The following SPDYA variants were observed in gnomAD, a reference collection of about 807,000 sequenced individuals.
The protein encoded by SPDYA is speedy/RINGO cell cycle regulator family member A, also known as speedy protein A.
SPDYA carries 11 observed loss-of-function variants against 36.7 expected under a neutral mutation model. The observed-to-expected ratio is 0.30, with a 90% CI of 0.19 to 0.50. SPDYA has a LOEUF of 0.50. SPDYA is among the 20% of genes least tolerant of loss of function. The pLI, the probability that SPDYA is intolerant of heterozygous loss-of-function variation, is 0.98. For missense variants in SPDYA, 287 were observed against 370.9 expected, an observed-to-expected ratio of 0.77 and a Z score of 1.86; for synonymous variants, 115 against 118.7, an observed-to-expected ratio of 0.97 and a Z score of 0.20.
intron 6 of SPDYA, among the ~76,000 whole-genome samples, chr2:28,839,171 A>G (rs79915432): frequency 7.6e-4 from 116 of 152,342 alleles, no homozygotes; most frequent in Middle Eastern, 3.4e-3. Context: ...TGAGTCCCAG[A>G]AAAGTTAAAT....
intron 7 of SPDYA, among the ~76,000 whole-genome samples, chr2:28,845,887 A>G (rs1668861442): frequency 1.3e-5 from 2 of 152,150 alleles, no homozygotes; most frequent in African/African-American, 4.8e-5. Context: ...TATATGTATT[A>G]CTATGAAAGC....
chr2:28,816,460 T>C (rs1398180736), intron 3 of SPDYA, among the ~76,000 whole-genome samples: 1 of 152,204 alleles, frequency 6.6e-6, no homozygotes, highest in Non-Finnish European at 1.5e-5. Flanking sequence ...TAAAAATTCA[T>C]ACTCATCTAG....
chr2:28,839,669 T>A (rs973870683), intron 6 of SPDYA, among the ~76,000 whole-genome samples: 1 of 151,984 alleles, frequency 6.6e-6, no homozygotes, highest in Non-Finnish European at 1.5e-5. Flanking sequence ...GCCCGGCTAA[T>A]TTTTTTGTAT....
intron 7 of SPDYA, among the ~76,000 whole-genome samples, chr2:28,849,168 TA>T (rs1348262480): frequency 1.3e-5 from 2 of 152,188 alleles, no homozygotes; most frequent in African/African-American, 4.8e-5. Context: ...AAGTTGTCCA[TA>T]GTAAGTGAAA....
intron 4 of SPDYA, among the ~76,000 whole-genome samples, 179 bp from the exon 5 acceptor site, chr2:28,822,146 C>T (rs1461683805): frequency 6.6e-6 from 1 of 152,134 alleles, no homozygotes; most frequent in Non-Finnish European, 1.5e-5. Context: ...TCAAGAATTA[C>T]TTTTCACTGT....
intron 5 of SPDYA, among the ~76,000 whole-genome samples, chr2:28,828,321 C>A (rs1668384777): frequency 6.6e-6 from 1 of 152,046 alleles, no homozygotes; most frequent in South Asian, 2.1e-4. Context: ...TTTCTTTTTT[C>A]TCTGTGTATT....
chr2:28,815,926 T>C (rs117181935), intron 2 of SPDYA, 71 bp from the exon 3 acceptor site: 1 of 959,972 alleles, frequency 1.0e-6, no homozygotes, highest in Non-Finnish European at 1.6e-6. Flanking sequence ...CATATGGTAG[T>C]ATCATCCAGT....
At chr2:28,824,479 A>G (rs1377598676) in intron 5 of SPDYA, among the ~76,000 whole-genome samples, 1 of 12,076 alleles carries the variant, frequency 8.3e-5, no homozygotes, top group Non-Finnish European at 2.9e-4. Context: ...CTGTCAGGAG[A>G]AAAAAAAAAA....
intron 7 of SPDYA, among the ~76,000 whole-genome samples, chr2:28,847,620 C>T (rs970300703): frequency 6.6e-6 from 1 of 150,758 alleles, no homozygotes; most frequent in Non-Finnish European, 1.5e-5. Flanking sequence ...ATGGCACATA[C>T]CTGTAATCAC....
intron 6 of SPDYA, 36 bp from the exon 7 acceptor site, chr2:28,840,136 A>T (rs200079137): frequency 6.4e-7 from 1 of 1,564,682 alleles, no homozygotes; most frequent in Non-Finnish European, 8.7e-7. Flanking sequence ...ATTTTGAAAT[A>T]TTACTAAAAT....
rs372023314 is a variant in SPDYA, at chr2:28,816,269, A to G, written c.235+20A>G. ...TATTTGGTAGGTTTAAAATATTGTA[A>G]TAGTGGTAATTATAAAGTACTAAAA... On this transcript the variant is annotated intron_variant, in intron 3 of 7. Coordinates refer to ENST00000334056, the MANE Select transcript of SPDYA (RefSeq NM_182756.4). 7 of 1,516,726 alleles carry G rather than the reference A, an allele frequency of 4.6e-6. No individual in the cohort carries two copies. In the African/African-American group the frequency reaches 9.8e-5, roughly 21 times the overall value. The allele number at this position is 1,516,726 out of a possible 1,614,324, so 94.0% of individuals were successfully genotyped here. A position where few individuals can be genotyped will look rare whatever the true frequency, so the allele number is the denominator to read the frequency against.
At chr2:28,818,465 A>G (rs1186983106) in intron 3 of SPDYA, among the ~76,000 whole-genome samples, 1 of 148,484 alleles carries the variant, frequency 6.7e-6, no homozygotes, top group East Asian at 2.0e-4. Flanking sequence ...AAAAAAAGAG[A>G]AAGAGAGAAA....
chr2:28,848,196 A>C (rs1180482136), intron 7 of SPDYA, among the ~76,000 whole-genome samples: 1 of 152,160 alleles, frequency 6.6e-6, no homozygotes, highest in African/African-American at 2.4e-5. Flanking sequence ...CCACCAGAAT[A>C]CTCTGCTCCT....
chr2:28,827,481 T>A, intron 5 of SPDYA, among the ~76,000 whole-genome samples: 1 of 152,336 alleles, frequency 6.6e-6, no homozygotes, highest in African/African-American at 2.4e-5. Flanking sequence ...ACTTTCAGAT[T>A]TCAGGGTCTG....
intron 6 of SPDYA, among the ~76,000 whole-genome samples, chr2:28,833,062 C>G (rs1665278810): frequency 6.6e-6 from 1 of 152,144 alleles, no homozygotes; most frequent in African/African-American, 2.4e-5. Context: ...TCTCAAAATC[C>G]TGTGCCTAAG....
intron 7 of SPDYA, among the ~76,000 whole-genome samples, chr2:28,845,593 G>T (rs1668852572): frequency 6.6e-6 from 1 of 152,164 alleles, no homozygotes; most frequent in African/African-American, 2.4e-5. Flanking sequence ...TGCCCAGGCT[G>T]GAGTGCAATG....
Position 28,849,901 on chromosome 2 carries a change from A to C in SPDYA, c.902A>C (p.Lys301Thr). The change falls in exon 8 of 8, where the codon AAA (lysine) becomes ACA (threonine). Residue 301 changes from lysine (K) to threonine (T), a missense_variant. Transcript: ENST00000334056. ...GGAAAGAAAACTAATTTCTTGAAGA[A>C]AGACAAATCTATGGAGTGGTTTACA... ...NKGKKTNFLK[K>T]DKSMEWFTGS... The C allele has an allele frequency of 6.3e-7, 1 of 1,594,976 alleles. No individual in the cohort carries two copies. The highest frequency in any genetic ancestry group is 8.5e-7 in the Non-Finnish European group (1 of 1,174,976).
intron 7 of SPDYA, among the ~76,000 whole-genome samples, chr2:28,846,140 C>G (rs111755684): frequency 2.2e-4 from 34 of 152,246 alleles, no homozygotes; most frequent in African/African-American, 8.2e-4. Context: ...CATGGTGGCT[C>G]ACGCCTGTAA....
chr2:28,814,337 A>G lies in SPDYA; in HGVS notation c.-92-276A>G, dbSNP rs185052909. ...GTATATAAGCATATTCATCTAAAGT[A>G]ACAAAAAAAAGAAAAAAAGATTGAG... On this transcript the variant is annotated intron_variant, in intron 1 of 7. Coordinates refer to ENST00000334056, the MANE Select transcript of SPDYA (RefSeq NM_182756.4). Among the ~76,000 whole-genome samples, 95 of 152,328 alleles carry G rather than the reference A, an allele frequency of 6.2e-4. No individual in the cohort carries two copies. The South Asian group carries it at 0.015, about 25-fold the overall frequency.
Sources: allele counts gnomAD v4.1 joint callset (sites outside exome capture counted in the v4.1 genomes callset), GRCh38; gene constraint gnomAD v4.1.1; transcripts MANE v1.5; gene names NCBI Gene and HGNC (gene_info 2026-07-23, HGNC 2026-07-21).